The following KDM4B variants were observed in gnomAD, a reference collection of about 807,000 sequenced individuals.
The protein encoded by KDM4B is lysine-specific demethylase 4B.
Under a neutral mutation model 125.2 loss-of-function variants are expected in KDM4B, and 32 were observed. The ratio of observed to expected loss-of-function variants is 0.26; its 90% CI spans 0.19 to 0.34. The LOEUF is 0.34. Among genes scored for constraint, KDM4B ranks in the 10% least tolerant of loss-of-function variants. The pLI is 1.00. For synonymous variants in KDM4B, 721 were observed against 677.9 expected (o/e 1.06, Z -0.99); for missense variants, 1,190 against 1,577.7 (o/e 0.75, Z 4.16).
At chr19:4,994,565 CAAAA>C (rs397820720) in intron 1 of KDM4B, among the ~76,000 whole-genome samples, 5 of 45,690 alleles carry the variant, frequency 1.1e-4, no homozygotes, top group Admixed American at 2.9e-4. Flanking sequence ...CTCTGTCTCT[CAAAA>C]AAAAAAAAAA....
chr19:4,978,756 C>G (rs1033165241), intron 1 of KDM4B, among the ~76,000 whole-genome samples: 51 of 152,302 alleles, frequency 3.3e-4, no homozygotes, highest in Admixed American at 3.0e-3. Flanking sequence ...GAGGGATGGG[C>G]TGCAGCGAGC....
chr19:5,113,643 G>A (rs2039195941), intron 10 of KDM4B, among the ~76,000 whole-genome samples: 1 of 152,168 alleles, frequency 6.6e-6, no homozygotes, highest in Non-Finnish European at 1.5e-5. Context: ...TTCTCTGGTT[G>A]GGGGAGCATC....
intron 2 of KDM4B, among the ~76,000 whole-genome samples, chr19:5,018,738 C>G (rs531135963): frequency 1.3e-5 from 2 of 152,318 alleles, no homozygotes. Flanking sequence ...CCCCCACACC[C>G]CAAAACCAGG....
chr19:5,047,711 C>T, intron 6 of KDM4B, 42 bp downstream of exon 6: 1 of 1,588,848 alleles, frequency 6.3e-7, no homozygotes, highest in Non-Finnish European at 8.6e-7. Flanking sequence ...GGACCGAGAG[C>T]CCCTCGGGAG....
chr19:5,004,007 C>T (rs947228829), intron 1 of KDM4B, among the ~76,000 whole-genome samples: 2 of 152,160 alleles, frequency 1.3e-5, no homozygotes, highest in South Asian at 2.1e-4. Context: ...CTCCCCTCTG[C>T]GCGTCCTGTT....
Position 5,131,174 on chromosome 19 carries a change from C to G in KDM4B, c.1414C>G (p.His472Asp). The part of the protein sequence containing the change: ...LPPQLPPPPA[H>D]FPSEEALWLP... ...CCCACAGCTGCCGCCCCCGCCTGCT[C>G]ACTTCCCCTCAGAGGAGGCGCTGTG... is the stretch of plus-strand genomic sequence containing the variant. Residue 472 changes from histidine to aspartate, a missense_variant, in exon 12 of 23, where the codon CAC becomes GAC. Physicochemically the swap from His to Asp is moderately conservative, Grantham distance 81 (BLOSUM62 -1). Transcript: ENST00000159111. 1 of 1,595,550 alleles carries G rather than the reference C, an allele frequency of 6.3e-7. No individual in the cohort carries two copies. The highest frequency in any genetic ancestry group is 1.3e-5 in the African/African-American group (1 of 74,662).
intron 21 of KDM4B, among the ~76,000 whole-genome samples, chr19:5,146,878 A>T (rs1186601278): frequency 1.5e-5 from 2 of 130,456 alleles, no homozygotes; most frequent in Non-Finnish European, 3.1e-5. Context: ...GAGGTCGAGG[A>T]TGCAGTGAGC....
At chr19:4,995,530 T>C (rs1198792841) in intron 1 of KDM4B, among the ~76,000 whole-genome samples, 1 of 152,068 alleles carries the variant, frequency 6.6e-6, no homozygotes, top group Non-Finnish European at 1.5e-5. Flanking sequence ...CTGCCTACCT[T>C]GGCCTCCCAA....
intron 14 of KDM4B, 52 bp downstream of exon 14, chr19:5,134,113 G>C: frequency 6.6e-7 from 1 of 1,523,112 alleles, no homozygotes; most frequent in Non-Finnish European, 8.8e-7. Context: ...GGGGCGGTGG[G>C]AGAGGGCGAG....
intron 13 of KDM4B, 39 bp from the exon 14 acceptor site, chr19:5,133,844 G>C (rs757104770): frequency 3.1e-6 from 5 of 1,602,376 alleles, no homozygotes; most frequent in Non-Finnish European, 4.3e-6. Context: ...TTTTTAGGGG[G>C]CTCAAGTGTC....
chr19:5,049,674 C>T (rs858421), intron 6 of KDM4B, among the ~76,000 whole-genome samples: 43 of 152,258 alleles, frequency 2.8e-4, no homozygotes, highest in African/African-American at 9.9e-4. Flanking sequence ...CCAGATGTTC[C>T]CACGACACCC....
At chr19:5,056,222 C>T (rs1488336981) in intron 6 of KDM4B, among the ~76,000 whole-genome samples, 1 of 152,174 alleles carries the variant, frequency 6.6e-6, no homozygotes, top group African/African-American at 2.4e-5. Flanking sequence ...GCGAAGGGCC[C>T]TCCCATCACA....
intron 21 of KDM4B, among the ~76,000 whole-genome samples, chr19:5,148,104 G>A (rs369052134): frequency 1.5e-4 from 23 of 152,232 alleles, no homozygotes; most frequent in South Asian, 2.1e-4. Flanking sequence ...GTGACCCCTC[G>A]AGATGCTTCT....
At chr19:5,051,664 T>C (rs1317646375) in intron 6 of KDM4B, among the ~76,000 whole-genome samples, 23 of 152,176 alleles carry the variant, frequency 1.5e-4, no homozygotes, top group Non-Finnish European at 2.9e-5. Flanking sequence ...TGCTCAGGCT[T>C]AGGGAAGGGG....
At chr19:4,981,355 G>A (rs2034635509) in intron 1 of KDM4B, among the ~76,000 whole-genome samples, 1 of 152,118 alleles carries the variant, frequency 6.6e-6, no homozygotes. Flanking sequence ...GGTTAGCTGT[G>A]CCGGCCTCCC....
intron 6 of KDM4B, among the ~76,000 whole-genome samples, chr19:5,062,495 A>G (rs1410947413): frequency 6.6e-6 from 1 of 152,174 alleles, no homozygotes; most frequent in Non-Finnish European, 1.5e-5. Flanking sequence ...CCCAGGTCAG[A>G]GCCTGTGAGT....
rs941534034 is a variant in KDM4B, at chr19:5,114,024, TC to T, written c.1115+3211del. The T allele has an allele frequency of 2.3e-6, 3 of 1,280,814 alleles. No homozygotes were observed. Among genetic ancestry groups the T allele is most frequent in the Non-Finnish European group, 3.0e-6 (3 of 984,046 alleles). 79.3% of individuals were successfully genotyped at this position (1,280,814 alleles called of 1,614,324 possible). ...GAGCGTTGGGGGCTGTTTGTATTCT[TC>T]CCCCTGATGGATGGGTCGCCTAAAA... On this transcript the variant is annotated intron_variant, in intron 10 of 22. Coordinates refer to ENST00000159111, the MANE Select transcript of KDM4B (RefSeq NM_015015.3). This position sits in a 1 kb window ranked among gnomAD's most constrained non-coding sequence, Gnocchi z 5.8.
rs1397854694 is a variant in KDM4B at position 5,059,953 on chromosome 19, G to A, written c.627-11057G>A. On this transcript the variant is annotated intron_variant, in intron 6 of 22. Transcript: ENST00000159111. ...CCACCACGGGCACATCAGCCCTGGT[G>A]CCCAGCTGGCCTTCTGCAGAGCCTG... Among the ~76,000 whole-genome samples, 4 of 152,348 alleles carry A rather than the reference G, an allele frequency of 2.6e-5. No individual in the cohort carries two copies. In the East Asian group the frequency reaches 7.7e-4, roughly 29 times the overall value.
At chr19:4,983,465 C>T (rs893147728) in intron 1 of KDM4B, among the ~76,000 whole-genome samples, 1 of 152,248 alleles carries the variant, frequency 6.6e-6, no homozygotes, top group Non-Finnish European at 1.5e-5. Context: ...GGCTGTCTGG[C>T]GGTGGTCCTG....
Sources: allele counts gnomAD v4.1 joint callset (sites outside exome capture counted in the v4.1 genomes callset), GRCh38; gene constraint gnomAD v4.1.1; non-coding constraint Gnocchi (gnomAD v3.1); transcripts MANE v1.5; gene names NCBI Gene and HGNC (gene_info 2026-07-23, HGNC 2026-07-21).